Variants in PTPN3 observed in about 807,000 individuals in gnomAD.
The protein encoded by PTPN3 is protein tyrosine phosphatase non-receptor type 3.
A neutral mutation model predicts 132.7 loss-of-function variants in PTPN3; 96 were observed. The ratio of observed to expected loss-of-function variants is 0.72; its 90% confidence interval spans 0.61 to 0.86. The LOEUF (loss-of-function observed/expected upper bound fraction) is 0.86, where lower values mean the gene tolerates loss of function less well. Among genes scored for constraint, PTPN3 ranks in the 40% least tolerant of loss-of-function variants. The pLI is 0.00. For missense variants in PTPN3, 1,125 were observed against 1,159.6 expected (o/e 0.97, Z 0.43); for synonymous variants, 398 against 429.0 (o/e 0.93, Z 0.89).
At chr9:109,510,498 C>T in the PTPN3 span, among the ~76,000 whole-genome samples, 1 of 146,732 alleles carries the variant, frequency 6.8e-6, no homozygotes, top group Non-Finnish European at 1.5e-5. Flanking sequence ...GCAGAGGTTG[C>T]ATTGAGCCGA....
At chr9:109,426,427 TTA>T (rs1843288605) in intron 12 of PTPN3, among the ~76,000 whole-genome samples, 1 of 152,172 alleles carries the variant, frequency 6.6e-6, no homozygotes, top group African/African-American at 2.4e-5. Context: ...TCAAATATAA[TTA>T]TGTGCCCAGC....
rs36091037 is a variant in PTPN3, at chr9:109,395,144, T to TAA, written c.1954-3585_1954-3584dup. Among the ~76,000 whole-genome samples the TAA allele has an allele frequency of 5.5e-4, 74 of 134,752 alleles. No homozygotes were observed. The East Asian group carries it at 7.0e-3, about 13-fold the overall frequency. 88.4% of individuals were successfully genotyped at this position (134,752 alleles called of 152,430 possible). ...AACAGAGCGAGACTCCATCTCAATTTAAAAAAAAAAAAAAAAGTGGAGGGA... is the reference window on the plus strand; with the variant it reads ...AACAGAGCGAGACTCCATCTCAATTTAAAAAAAAAAAAAAAAAAGTGGAGGGA... On this transcript the variant is annotated intron_variant, in intron 19 of 25. Coordinates refer to ENST00000374541, the MANE Select transcript of PTPN3 (RefSeq NM_002829.4).
intron 1 of PTPN3, among the ~76,000 whole-genome samples, chr9:109,469,697 G>A (rs551779803): frequency 6.6e-6 from 1 of 151,934 alleles, no homozygotes; most frequent in African/African-American, 2.4e-5. Flanking sequence ...AAGAATATGA[G>A]TTCCGTTGAA....
intron 7 of PTPN3, among the ~76,000 whole-genome samples, chr9:109,441,427 C>G (rs1283330844): frequency 6.6e-6 from 1 of 152,148 alleles, no homozygotes; most frequent in Non-Finnish European, 1.5e-5. Flanking sequence ...TCTCAGGGGT[C>G]ATTCCTAGGA....
chr9:109,519,064 C>T, the PTPN3 span, among the ~76,000 whole-genome samples: 1 of 152,160 alleles, frequency 6.6e-6, no homozygotes, highest in South Asian at 2.1e-4. Flanking sequence ...CCTGCCTAGT[C>T]CACTTGACCT....
chr9:109,483,774 G>C (rs1847076139), intron 1 of PTPN3, among the ~76,000 whole-genome samples: 1 of 152,164 alleles, frequency 6.6e-6, no homozygotes, highest in Admixed American at 6.5e-5. Flanking sequence ...GCCCCTTTGA[G>C]GTGTCTCCAA....
intron 7 of PTPN3, among the ~76,000 whole-genome samples, chr9:109,442,046 C>T (rs1844512338): frequency 6.6e-6 from 1 of 150,708 alleles, no homozygotes; most frequent in Admixed American, 6.6e-5. Context: ...ATTTCATATA[C>T]AATAATTAAT....
chr9:109,448,459 G>A (rs1845009527), intron 6 of PTPN3, among the ~76,000 whole-genome samples: 1 of 152,130 alleles, frequency 6.6e-6, no homozygotes, highest in East Asian at 1.9e-4. Flanking sequence ...TGGGTACTAA[G>A]GGGCTCAAAA....
At chr9:109,465,938 A>T (rs1308078677) in intron 1 of PTPN3, among the ~76,000 whole-genome samples, 1 of 151,914 alleles carries the variant, frequency 6.6e-6, no homozygotes, top group Admixed American at 6.6e-5. Flanking sequence ...GCTCCTCTTC[A>T]TCTGATTAAC....
chr9:109,521,909 A>G, the PTPN3 span, among the ~76,000 whole-genome samples: 19 of 152,316 alleles, frequency 1.2e-4, no homozygotes, highest in South Asian at 3.7e-3. Flanking sequence ...GGGAGCATCT[A>G]GTCTTATCCC....
At chr9:109,438,281 T>G (rs780729677) in intron 7 of PTPN3, 47 bp from the exon 8 acceptor site, 5 of 1,572,988 alleles carry the variant, frequency 3.2e-6, no homozygotes, top group Non-Finnish European at 4.3e-6. Context: ...TTTGCCTTTT[T>G]AATATGGTTT....
At position 109,428,437 on chromosome 9, in the gene PTPN3, A is replaced by G. The variant is rs141790428; in HGVS notation, c.828+184T>C. Among the ~76,000 whole-genome samples the G allele has an allele frequency of 9.5e-3, 1,446 of 152,268 alleles. 12 individuals carry two copies. Among genetic ancestry groups the G allele is most frequent in the Non-Finnish European group, 0.013 (913 of 68,026 alleles). On this transcript the variant is annotated intron_variant, in intron 11 of 25. Transcript: ENST00000374541. ...CAGCCTTCAACCCTTAAAGAACTAAAAGCTGAAGTAACTTAAAAACACAAG... is the reference window on the plus strand; with the variant it reads ...CAGCCTTCAACCCTTAAAGAACTAAGAGCTGAAGTAACTTAAAAACACAAG...
intron 19 of PTPN3, among the ~76,000 whole-genome samples, chr9:109,400,224 G>A (rs1395763571): frequency 6.6e-6 from 1 of 152,148 alleles, no homozygotes; most frequent in East Asian, 1.9e-4. Flanking sequence ...CCTCATGTCC[G>A]GCCTGTGACC....
At chr9:109,521,286 G>A in the PTPN3 span, among the ~76,000 whole-genome samples, 1 of 151,882 alleles carries the variant, frequency 6.6e-6, no homozygotes, top group African/African-American at 2.4e-5. Context: ...AGCCTCCCAA[G>A]TAACTGGGAC....
At chr9:109,506,298 T>C in the PTPN3 span, among the ~76,000 whole-genome samples, 2 of 152,154 alleles carry the variant, frequency 1.3e-5, no homozygotes, top group Non-Finnish European at 2.9e-5. Context: ...GCAGTGGACC[T>C]TAAAATAAAC....
Position 109,382,744 on chromosome 9 carries a change from G to A in PTPN3, c.2383-297C>T, listed in dbSNP as rs532630312. On this transcript the variant is annotated intron_variant, in intron 23 of 25. Transcript: ENST00000374541. The stretch of plus-strand genomic sequence containing the variant: ...GTACTTGCCATTAGAGGCCACACAT[G>A]CTGACTGTTTTTTTTTTTTTTTTTC... Among the ~76,000 whole-genome samples, 3 of 145,896 alleles carry A rather than the reference G, an allele frequency of 2.1e-5. No homozygotes were observed. The South Asian group carries it at 6.4e-4, about 31-fold the overall frequency.
chr9:109,428,999 T>C (rs920145717), intron 10 of PTPN3: 1 of 985,328 alleles, frequency 1.0e-6, no homozygotes, highest in Non-Finnish European at 1.2e-6. Context: ...AGCTGGTATA[T>C]ACATGGGGAA....
chr9:109,395,832 A>G (rs1840546636), intron 19 of PTPN3, among the ~76,000 whole-genome samples: 1 of 134,916 alleles, frequency 7.4e-6, no homozygotes, highest in African/African-American at 2.8e-5. Flanking sequence ...ATATATATGT[A>G]TATATTTTTT....
chr9:109,513,870 A>C, the PTPN3 span, among the ~76,000 whole-genome samples: 1 of 152,184 alleles, frequency 6.6e-6, no homozygotes, highest in African/African-American at 2.4e-5. Flanking sequence ...ATAATATTTG[A>C]TGTAAATGGC....
Sources: allele counts gnomAD v4.1 joint callset (sites outside exome capture counted in the v4.1 genomes callset), GRCh38; gene constraint gnomAD v4.1.1; transcripts MANE v1.5; gene names NCBI Gene and HGNC (gene_info 2026-07-23, HGNC 2026-07-21).